Variants in DPT observed in about 807,000 individuals in gnomAD.
DPT encodes tyrosine-rich acidic matrix protein.
Under a neutral mutation model 31.2 loss-of-function variants are expected in DPT, and 21 were observed. The ratio of observed to expected loss-of-function variants is 0.67; its 90% CI spans 0.48 to 0.97. DPT has a LOEUF of 0.97. DPT is among the 50% of genes least tolerant of loss of function. The probability of loss-of-function intolerance (pLI) is 0.00; values close to 1 mark genes in which losing one functional copy is unlikely to be tolerated. For missense variants in DPT, 262 were observed against 258.8 expected, an observed-to-expected ratio of 1.01 and a Z score of -0.08; for synonymous variants, 91 against 86.9, an observed-to-expected ratio of 1.05 and a Z score of -0.26.
chr1:168,729,012 C>G lies in DPT; in HGVS notation c.163G>C (p.Val55Leu), dbSNP rs376024162. 6 of 1,614,240 alleles carry G rather than the reference C, an allele frequency of 3.7e-6. No individual in the cohort carries two copies. Among genetic ancestry groups the G allele is most frequent in the Non-Finnish European group, 4.2e-6 (5 of 1,180,044 alleles). The change falls in exon 1 of 4, where the codon GTG becomes CTG. Residue 55 changes from valine (V) to leucine (L), a missense_variant. Coordinates refer to ENST00000367817, the MANE Select transcript of DPT (RefSeq NM_001937.5). ...GFSYQCPQGQVIVAVRSIFSK... is the reference protein window; with the variant it reads ...GFSYQCPQGQLIVAVRSIFSK... The stretch of plus-strand genomic sequence containing the variant: ...AAGATGCTCCTCACGGCCACTATCA[C>G]CTGCCCCTGGGGACACTGGTAGCTG...
intron 1 of DPT, among the ~76,000 whole-genome samples, chr1:168,719,077 A>T (rs1255999375): frequency 6.6e-6 from 1 of 152,166 alleles, no homozygotes; most frequent in Non-Finnish European, 1.5e-5. Context: ...CAAATGTTTA[A>T]TAGAAGAATG....
intron 2 of DPT, among the ~76,000 whole-genome samples, chr1:168,701,387 ACT>A (rs751137500): frequency 3.9e-5 from 6 of 152,178 alleles, no homozygotes; most frequent in Non-Finnish European, 7.4e-5. Flanking sequence ...TATCAAAATA[ACT>A]TTGGAATTCT....
At position 168,726,269 on chromosome 1, in the gene DPT, G is replaced by C. The variant is rs143752972; in HGVS notation, c.305+2601C>G. Among the ~76,000 whole-genome samples the C allele has an allele frequency of 2.6e-5, 4 of 152,198 alleles. No homozygotes were observed. The East Asian group carries it at 7.7e-4, about 29-fold the overall frequency. On this transcript the variant is annotated intron_variant, in intron 1 of 3. Coordinates refer to ENST00000367817, the MANE Select transcript of DPT (RefSeq NM_001937.5). ...ATCAGCTTTTCCCTTGACTCCCATG[G>C]GCCAAATAAAATCATGTTATTTCAC...
At chr1:168,696,982 C>G (rs1036870073) in intron 3 of DPT, among the ~76,000 whole-genome samples, 1 of 152,134 alleles carries the variant, frequency 6.6e-6, no homozygotes, top group Admixed American at 6.5e-5. Context: ...TTGTTTTAGG[C>G]TGGGCTTGGT....
At position 168,697,030 on chromosome 1, in the gene DPT, G is replaced by A. The variant is rs966562442; in HGVS notation, c.540-415C>T. ...CAATCCTAGCATTTTGGGAGGCTGA[G>A]GCAGGTGGATTGCTTGAGGCTAGGA... is the stretch of plus-strand genomic sequence containing the variant. On this transcript the variant is annotated intron_variant, in intron 3 of 3. Coordinates refer to ENST00000367817, the MANE Select transcript of DPT (RefSeq NM_001937.5). Among the ~76,000 whole-genome samples, 34 of 152,172 alleles carry A rather than the reference G, an allele frequency of 2.2e-4. 1 individual carries two copies. The highest frequency in any genetic ancestry group is 2.9e-5 in the Non-Finnish European group (2 of 68,042).
chr1:168,727,709 T>C (rs377312573), intron 1 of DPT, among the ~76,000 whole-genome samples: 4 of 50,528 alleles, frequency 7.9e-5, no homozygotes, highest in South Asian at 5.1e-4. Context: ...GGGCTAATTT[T>C]TTTTTTTCTG....
rs531674709 is a variant in DPT at position 168,696,056 on chromosome 1, C to G, written c.*493G>C. The G allele has an allele frequency of 5.0e-6, 2 of 397,860 alleles. No individual in the cohort carries two copies. Among genetic ancestry groups the G allele is most frequent in the African/African-American group, 4.1e-5 (2 of 48,582 alleles). The allele number at this position is 397,860 out of a possible 1,614,324, so 24.6% of individuals were successfully genotyped here. A position where few individuals can be genotyped will look rare whatever the true frequency, so the allele number is the denominator to read the frequency against. On this transcript the variant is annotated 3_prime_UTR_variant, in exon 4 of 4. Transcript: ENST00000367817. ...CTAAGCATGCATGGCTCATGTGGAG[C>G]AGGGGAGTGGGAAGATGTCCCTCAG...
chr1:168,718,044 T>C (rs1462321290), intron 1 of DPT, among the ~76,000 whole-genome samples: 2 of 152,244 alleles, frequency 1.3e-5, no homozygotes, highest in Non-Finnish European at 2.9e-5. Context: ...AAGGTTGCCA[T>C]AAGCTAGTGC....
At chr1:168,728,769 G>A in intron 1 of DPT, 101 bp downstream of exon 1, 1 of 1,455,830 alleles carries the variant, frequency 6.9e-7, no homozygotes, top group East Asian at 2.3e-5. Flanking sequence ...GATTTGCCCA[G>A]GCTTTGGTTA....
chr1:168,696,681 G>C lies in DPT; in HGVS notation c.540-66C>G. The C allele has an allele frequency of 2.8e-6, 4 of 1,413,892 alleles. No homozygotes were observed. The South Asian group carries it at 4.8e-5, about 17-fold the overall frequency. 87.6% of individuals were successfully genotyped at this position (1,413,892 alleles called of 1,614,324 possible). On this transcript the variant is annotated intron_variant, in intron 3 of 3. Coordinates refer to ENST00000367817, the MANE Select transcript of DPT (RefSeq NM_001937.5). ...GGACATGGCAGGAAGAATCGCTGCTGGGGAAACAGCAGCAGAGAACATTTG... is the reference window on the plus strand; with the variant it reads ...GGACATGGCAGGAAGAATCGCTGCTCGGGAAACAGCAGCAGAGAACATTTG...
intron 2 of DPT, among the ~76,000 whole-genome samples, chr1:168,709,469 CA>C (rs1159443859): frequency 1.3e-5 from 2 of 152,150 alleles, no homozygotes; most frequent in Non-Finnish European, 2.9e-5. Context: ...GCTTTCTTGC[CA>C]GAGTCCAGTG....
chr1:168,712,542 C>T (rs892162488), intron 2 of DPT, among the ~76,000 whole-genome samples: 7 of 152,188 alleles, frequency 4.6e-5, no homozygotes, highest in Admixed American at 2.0e-4. Context: ...CAAAGGGAGG[C>T]TGGTTTCCTT....
intron 3 of DPT, 93 bp from the exon 4 acceptor site, chr1:168,696,708 AG>A: frequency 1.7e-6 from 2 of 1,160,026 alleles, no homozygotes; most frequent in South Asian, 2.7e-5. Flanking sequence ...GAACATTTGG[AG>A]GATCTGGGAA....
intron 2 of DPT, among the ~76,000 whole-genome samples, chr1:168,702,866 C>T (rs1159366574): frequency 4.6e-5 from 7 of 152,280 alleles, no homozygotes; most frequent in African/African-American, 1.7e-4. Flanking sequence ...CCCGCCTCAG[C>T]CTCCCAAAGT....
At chr1:168,708,329 G>A (rs561518922) in intron 2 of DPT, among the ~76,000 whole-genome samples, 2 of 152,132 alleles carry the variant, frequency 1.3e-5, no homozygotes, top group Non-Finnish European at 2.9e-5. Flanking sequence ...AACCATTCCA[G>A]CAGATGAAAG....
intron 1 of DPT, among the ~76,000 whole-genome samples, chr1:168,714,726 T>C (rs1435091986): frequency 2.6e-5 from 4 of 152,222 alleles, no homozygotes; most frequent in African/African-American, 9.6e-5. Flanking sequence ...TTTACTGGAA[T>C]TTAAAATAAA....
At chr1:168,721,417 G>C (rs760588695) in intron 1 of DPT, among the ~76,000 whole-genome samples, 13 of 152,178 alleles carry the variant, frequency 8.5e-5, no homozygotes, top group Admixed American at 2.0e-4. Flanking sequence ...AAAGGCAGGG[G>C]AAGTCATAGT....
chr1:168,703,479 C>T (rs916581214), intron 2 of DPT, among the ~76,000 whole-genome samples: 2 of 152,098 alleles, frequency 1.3e-5, no homozygotes. Flanking sequence ...GACATAAGCC[C>T]CCTGTCTAAC....
intron 1 of DPT, among the ~76,000 whole-genome samples, chr1:168,720,015 G>A (rs149041426): frequency 9.8e-4 from 149 of 152,262 alleles, no homozygotes; most frequent in African/African-American, 3.5e-3. Flanking sequence ...AAGCTAAAAC[G>A]GAAGACTTTC....
Sources: allele counts gnomAD v4.1 joint callset (sites outside exome capture counted in the v4.1 genomes callset), GRCh38; gene constraint gnomAD v4.1.1; transcripts MANE v1.5; gene names NCBI Gene and HGNC (gene_info 2026-07-23, HGNC 2026-07-21).